ARB2A: variants seen among roughly 807,000 people sequenced by gnomAD.
ARB2A encodes the protein cotranscriptional regulator ARB2A.
the ARB2A span, among the ~76,000 whole-genome samples, chr5:93,808,088 C>T: frequency 2.0e-5 from 3 of 151,942 alleles, no homozygotes; most frequent in Non-Finnish European, 2.9e-5. Flanking sequence ...AGGGAACATG[C>T]GCAATAGATC....
At chr5:93,958,735 C>G in the ARB2A span, 2 of 1,395,014 alleles carry the variant, frequency 1.4e-6, no homozygotes, top group Admixed American at 2.3e-5. Context: ...TAAAACAGTA[C>G]TATAAAATGC....
the ARB2A span, among the ~76,000 whole-genome samples, chr5:93,835,290 T>C: frequency 6.6e-6 from 1 of 152,212 alleles, no homozygotes; most frequent in African/African-American, 2.4e-5. Context: ...AAACAACATT[T>C]GCATATTTGT....
At chr5:93,966,213 CCTA>C in the ARB2A span, among the ~76,000 whole-genome samples, 1 of 151,926 alleles carries the variant, frequency 6.6e-6, no homozygotes, top group African/African-American at 2.4e-5. Context: ...CTGAAAATAT[CCTA>C]CTATCTATGA....
chr5:94,017,641 G>A, the ARB2A span, among the ~76,000 whole-genome samples: 1 of 152,112 alleles, frequency 6.6e-6, no homozygotes, highest in Non-Finnish European at 1.5e-5. Context: ...AGCCTATAAA[G>A]GTTGTTACTC....
the ARB2A span, among the ~76,000 whole-genome samples, chr5:94,104,578 T>A: frequency 6.6e-6 from 1 of 151,708 alleles, no homozygotes; most frequent in Non-Finnish European, 1.5e-5. Flanking sequence ...ACCCAACATA[T>A]AAAGAAGAGC....
At chr5:94,105,318 A>C in the ARB2A span, among the ~76,000 whole-genome samples, 3 of 152,098 alleles carry the variant, frequency 2.0e-5, no homozygotes, top group African/African-American at 7.2e-5. Flanking sequence ...CAATGTCAAA[A>C]AAATCAGTAG....
chr5:93,767,538 G>A, the ARB2A span, among the ~76,000 whole-genome samples: 1 of 152,192 alleles, frequency 6.6e-6, no homozygotes, highest in East Asian at 1.9e-4. Context: ...CTACCCAGAG[G>A]AAAAGAAGTC....
the ARB2A span, among the ~76,000 whole-genome samples, chr5:94,033,245 C>T: frequency 6.6e-6 from 1 of 152,130 alleles, no homozygotes; most frequent in African/African-American, 2.4e-5. Context: ...CAGTTTACCC[C>T]ATGCCTGTTC....
At chr5:93,998,016 C>G in the ARB2A span, among the ~76,000 whole-genome samples, 319 of 150,524 alleles carry the variant, frequency 2.1e-3, 6 homozygotes, top group East Asian at 0.042. Context: ...CACACACACA[C>G]AGAGAGAGAA....
At chr5:93,756,515 C>T in the ARB2A span, among the ~76,000 whole-genome samples, 225 of 152,314 alleles carry the variant, frequency 1.5e-3, 1 homozygote, top group African/African-American at 3.5e-3. Context: ...TTGGTATCCA[C>T]GCTGAGAATC....
At chr5:93,925,777 A>C in the ARB2A span, among the ~76,000 whole-genome samples, 1 of 152,166 alleles carries the variant, frequency 6.6e-6, no homozygotes, top group Admixed American at 6.5e-5. Context: ...ACCTAAGAAG[A>C]AAATCCTATC....
At chr5:93,985,218 C>G in the ARB2A span, among the ~76,000 whole-genome samples, 1 of 152,172 alleles carries the variant, frequency 6.6e-6, no homozygotes, top group East Asian at 1.9e-4. Context: ...CCCTGGTGAA[C>G]TCCCCTGTCA....
At chr5:93,763,611 C>A in the ARB2A span, among the ~76,000 whole-genome samples, 1 of 152,122 alleles carries the variant, frequency 6.6e-6, no homozygotes, top group Non-Finnish European at 1.5e-5. Flanking sequence ...GACTTTAACA[C>A]CCCACTGTCA....
chr5:93,659,589 G>A, the ARB2A span, among the ~76,000 whole-genome samples: 1 of 152,094 alleles, frequency 6.6e-6, no homozygotes, highest in Non-Finnish European at 1.5e-5. Flanking sequence ...GGAAAATGAA[G>A]AAGCAAAGAA....
At chr5:94,110,499 T>G in the ARB2A span, among the ~76,000 whole-genome samples, 7 of 152,124 alleles carry the variant, frequency 4.6e-5, no homozygotes, top group Non-Finnish European at 1.0e-4. Flanking sequence ...GATTCACTGG[T>G]TAAGTGGAAG....
the ARB2A span, chr5:93,865,595 A>T: frequency 1.0e-6 from 1 of 985,298 alleles, no homozygotes; most frequent in South Asian, 4.7e-5. Flanking sequence ...TACGGAAACA[A>T]TTAGGACACT....
chr5:94,083,996 G>C, the ARB2A span, among the ~76,000 whole-genome samples: 5 of 152,004 alleles, frequency 3.3e-5, no homozygotes, highest in Non-Finnish European at 7.4e-5. Context: ...AAATTGGCCA[G>C]GCACAGTGGC....
At chr5:93,792,097 T>C in the ARB2A span, among the ~76,000 whole-genome samples, 1 of 152,132 alleles carries the variant, frequency 6.6e-6, no homozygotes, top group Non-Finnish European at 1.5e-5. Flanking sequence ...GTATCTATTA[T>C]ATAAGAGACA....
the ARB2A span, among the ~76,000 whole-genome samples, chr5:93,636,009 C>T: frequency 2.6e-5 from 4 of 152,068 alleles, no homozygotes; most frequent in Non-Finnish European, 5.9e-5. Flanking sequence ...GATGATGATT[C>T]CCATTTTGAA....
Sources: allele counts gnomAD v4.1 joint callset (sites outside exome capture counted in the v4.1 genomes callset), GRCh38; gene constraint gnomAD v4.1.1; transcripts MANE v1.5; gene names NCBI Gene and HGNC (gene_info 2026-07-23, HGNC 2026-07-21).